NYAP2: variants seen among roughly 807,000 people sequenced by gnomAD.
NYAP2 encodes neuronal tyrosine-phosphorylated phosphoinositide-3-kinase adapter 2.
Under a neutral mutation model 50.4 loss-of-function variants are expected in NYAP2, and 23 were observed. The observed-to-expected ratio is 0.46, with a 90% CI of 0.33 to 0.65. The LOEUF is 0.65. Ranked by LOEUF, NYAP2 falls within the 30% of genes least tolerant of loss-of-function variation. NYAP2 has a pLI of 0.02. For synonymous variants in NYAP2, 394 were observed against 365.2 expected, an observed-to-expected ratio of 1.08 and a Z score of -0.90; for missense variants, 885 against 861.0, an observed-to-expected ratio of 1.03 and a Z score of -0.35.
chr2:225,629,856 C>T (rs951689349), intron 6 of NYAP2, among the ~76,000 whole-genome samples: 4 of 152,146 alleles, frequency 2.6e-5, no homozygotes, highest in Non-Finnish European at 5.9e-5. Flanking sequence ...CCCACTAGGC[C>T]CCACCTCCCA....
intron 4 of NYAP2, among the ~76,000 whole-genome samples, chr2:225,559,529 C>G (rs986768192): frequency 2.6e-5 from 4 of 152,002 alleles, no homozygotes; most frequent in Admixed American, 2.0e-4. Flanking sequence ...ATCCAGTAAC[C>G]TCATTCCTTT....
intron 3 of NYAP2, among the ~76,000 whole-genome samples, chr2:225,455,646 T>A (rs1689727851): frequency 6.6e-6 from 1 of 152,228 alleles, no homozygotes; most frequent in Non-Finnish European, 1.5e-5. Flanking sequence ...CTATAGCCTT[T>A]TGTTATTTTT....
chr2:225,655,927 CAT>C (rs1553561180), downstream of NYAP2, among the ~76,000 whole-genome samples: 117 of 97,204 alleles, frequency 1.2e-3, no homozygotes, highest in East Asian at 3.4e-3. Flanking sequence ...CACACACACA[CAT>C]ACACACATAC....
At chr2:225,501,777 C>T (rs1261958966) in intron 3 of NYAP2, among the ~76,000 whole-genome samples, 1 of 152,154 alleles carries the variant, frequency 6.6e-6, no homozygotes, top group East Asian at 1.9e-4. Context: ...TTTACTGGGT[C>T]ACATCTTTCT....
At chr2:225,547,491 T>C (rs1240291320) in intron 4 of NYAP2, among the ~76,000 whole-genome samples, 1 of 152,224 alleles carries the variant, frequency 6.6e-6, no homozygotes, top group Non-Finnish European at 1.5e-5. Flanking sequence ...TCTCAAGTTC[T>C]GACTTCTGGG....
intron 6 of NYAP2, among the ~76,000 whole-genome samples, chr2:225,638,156 TTGTGTG>T (rs146481098): frequency 0.033 from 4,511 of 135,286 alleles, 166 homozygotes; most frequent in African/African-American, 0.087. Context: ...ACTCGTGTGT[TTGTGTG>T]TGTGTGTGTG....
intron 3 of NYAP2, among the ~76,000 whole-genome samples, chr2:225,420,040 T>C (rs890755106): frequency 3.3e-5 from 5 of 152,230 alleles, no homozygotes; most frequent in African/African-American, 1.2e-4. Context: ...TTGGTAGGTT[T>C]AGTCTTAATT....
the NYAP2 span, among the ~76,000 whole-genome samples, chr2:225,679,493 G>GTTTTTTTTTTTTTT: frequency 9.6e-6 from 1 of 103,884 alleles, no homozygotes; most frequent in African/African-American, 3.7e-5. Flanking sequence ...GCTTCTAATT[G>GTTTTTTTTTTTTTT]TTTTTTTTTT....
At chr2:225,562,125 G>GTC (rs1691886999) in intron 4 of NYAP2, among the ~76,000 whole-genome samples, 1 of 152,132 alleles carries the variant, frequency 6.6e-6, no homozygotes, top group Admixed American at 6.6e-5. Context: ...TCAGTTGTGA[G>GTC]TCTCACTTGC....
chr2:225,651,586 C>T (rs1693733759), exon 7 of NYAP2: 14 of 1,612,758 alleles, frequency 8.7e-6, no homozygotes, highest in Non-Finnish European at 1.2e-5. Context: ...TACAACTTGC[C>T]AAATGCTTCC....
chr2:225,627,295 T>G lies in NYAP2; in HGVS notation c.1828+169T>G, dbSNP rs540609766. On this transcript the variant is annotated intron_variant, in intron 6 of 6. Coordinates refer to ENST00000636099, the Ensembl canonical transcript of NYAP2. Reference sequence around the variant, plus strand: ...CATAAAGGGATATAACAATATATTGTACTGCTCAAAGGTACAACTATTTAC... The same window carrying G: ...CATAAAGGGATATAACAATATATTGGACTGCTCAAAGGTACAACTATTTAC... 2.6e-5 allele frequency among the ~76,000 whole-genome samples: 4 copies of G among 152,352 alleles called. No homozygotes were observed. In the East Asian group the frequency reaches 7.7e-4, roughly 29 times the overall value.
intron 4 of NYAP2, among the ~76,000 whole-genome samples, chr2:225,547,559 G>A (rs1432069291): frequency 6.6e-6 from 1 of 152,192 alleles, no homozygotes; most frequent in African/African-American, 2.4e-5. Context: ...CATCAGCCGA[G>A]TTTAGCCTGG....
chr2:225,536,233 C>T (rs991840883), intron 4 of NYAP2, among the ~76,000 whole-genome samples: 2 of 152,216 alleles, frequency 1.3e-5, no homozygotes, highest in Non-Finnish European at 2.9e-5. Flanking sequence ...GTCGGCCAAG[C>T]CTTCTTCCTC....
At chr2:225,578,367 G>A (rs1485877532) in intron 4 of NYAP2, among the ~76,000 whole-genome samples, 4 of 152,160 alleles carry the variant, frequency 2.6e-5, no homozygotes, top group African/African-American at 9.7e-5. Context: ...AGCTTGCCTA[G>A]ATAAAGAGGG....
chr2:225,497,453 G>T (rs1053844821), intron 3 of NYAP2, among the ~76,000 whole-genome samples: 2 of 152,196 alleles, frequency 1.3e-5, no homozygotes, highest in Non-Finnish European at 2.9e-5. Context: ...TCTAAGGCCT[G>T]ACTTTTTAAA....
At chr2:225,602,252 A>T (rs1000733900) in intron 5 of NYAP2, among the ~76,000 whole-genome samples, 8 of 152,182 alleles carry the variant, frequency 5.3e-5, no homozygotes, top group African/African-American at 1.9e-4. Context: ...TGAAGTGATG[A>T]TTTACCCTAT....
At chr2:225,455,083 T>C (rs1326824967) in intron 3 of NYAP2, among the ~76,000 whole-genome samples, 1 of 151,894 alleles carries the variant, frequency 6.6e-6, no homozygotes, top group African/African-American at 2.4e-5. Context: ...CTCCAGAAAT[T>C]GGAAAAGGCA....
intron 3 of NYAP2, among the ~76,000 whole-genome samples, chr2:225,431,140 T>C (rs1184155433): frequency 2.0e-5 from 3 of 152,232 alleles, no homozygotes; most frequent in African/African-American, 7.2e-5. Context: ...CTGTGGTACA[T>C]ATCAATTCTA....
intron 3 of NYAP2, among the ~76,000 whole-genome samples, chr2:225,509,908 A>G (rs989732850): frequency 2.0e-5 from 3 of 152,166 alleles, no homozygotes; most frequent in Admixed American, 1.3e-4. Flanking sequence ...GACTTGCAGT[A>G]TTTATTGGAG....
Sources: allele counts gnomAD v4.1 joint callset (sites outside exome capture counted in the v4.1 genomes callset), GRCh38; gene constraint gnomAD v4.1.1; transcripts MANE v1.5; gene names NCBI Gene and HGNC (gene_info 2026-07-23, HGNC 2026-07-21).